Variants in TMEM207 observed in about 807,000 individuals in gnomAD.
The protein encoded by TMEM207 is transmembrane protein 207.
A neutral mutation model predicts 17.4 loss-of-function variants in TMEM207; 15 were observed. The ratio of observed to expected loss-of-function variants is 0.86; its 90% CI spans 0.58 to 1.33. TMEM207 has a LOEUF of 1.33. Among genes scored for constraint, TMEM207 ranks in the 40% most tolerant of loss-of-function variants. The pLI, the probability that TMEM207 is intolerant of heterozygous loss-of-function variation, is 0.00. For missense variants in TMEM207, 205 were observed against 173.8 expected (o/e 1.18, Z -1.01); for synonymous variants, 70 against 65.6 (o/e 1.07, Z -0.33).
chr3:190,440,991 C>T (rs1380589726), intron 3 of TMEM207, among the ~76,000 whole-genome samples: 3 of 152,092 alleles, frequency 2.0e-5, no homozygotes, highest in African/African-American at 7.2e-5. Flanking sequence ...ATGGCGGGAA[C>T]CCGGGAGGCG....
chr3:190,440,494 G>A (rs148508464), intron 3 of TMEM207, 105 bp from the exon 4 acceptor site: 7 of 1,003,640 alleles, frequency 7.0e-6, no homozygotes, highest in Admixed American at 3.0e-5. Context: ...TAGACTGGCC[G>A]CAAGCAATGT....
intron 4 of TMEM207, among the ~76,000 whole-genome samples, chr3:190,438,990 C>CCGTCCTGG: frequency 6.6e-6 from 1 of 151,618 alleles, no homozygotes; most frequent in Non-Finnish European, 1.5e-5. Flanking sequence ...GAGATCGAGA[C>CCGTCCTGG]CACGGTGAAA....
In TMEM207 at chr3:190,443,183, T is replaced by C. The variant is rs1719971973; in HGVS notation, c.114-1701A>G. Among the ~76,000 whole-genome samples the C allele has an allele frequency of 2.0e-5, 3 of 152,052 alleles. No individual in the cohort carries two copies. In the South Asian group the frequency reaches 6.2e-4, roughly 32 times the overall value. On this transcript the variant is annotated intron_variant, in intron 2 of 4. Transcript: ENST00000354905. ...TTGTTTTGTTTTGTTTTGTTTTTCT[T>C]TTTTGAATTGTGACATCTAAGCTCA...
At chr3:190,430,220 C>T (rs73055924) in intron 4 of TMEM207, among the ~76,000 whole-genome samples, 5,907 of 151,786 alleles carry the variant, frequency 0.039, 379 homozygotes, top group African/African-American at 0.14. Context: ...GATGAAAGCA[C>T]GCATTTAAAG....
intron 3 of TMEM207, 55 bp from the exon 4 acceptor site, chr3:190,440,444 G>C: frequency 1.3e-6 from 2 of 1,517,876 alleles, no homozygotes; most frequent in Non-Finnish European, 1.8e-6. Context: ...GGGAAGTTAA[G>C]AGCTTCCATC....
At chr3:190,439,026 A>C (rs188709402) in intron 4 of TMEM207, among the ~76,000 whole-genome samples, 5,088 of 151,570 alleles carry the variant, frequency 0.034, 110 homozygotes, top group African/African-American at 0.094. Flanking sequence ...AAATACAAAA[A>C]ATTAGCCGGG....
intron 4 of TMEM207, among the ~76,000 whole-genome samples, chr3:190,438,883 T>C (rs1719860760): frequency 6.6e-6 from 1 of 151,552 alleles, no homozygotes; most frequent in Admixed American, 6.6e-5. Flanking sequence ...AGACTTTAAT[T>C]ATCCTTCCTA....
intron 4 of TMEM207, among the ~76,000 whole-genome samples, chr3:190,433,410 A>G (rs1719731665): frequency 6.6e-6 from 1 of 152,166 alleles, no homozygotes; most frequent in Admixed American, 6.5e-5. Context: ...TAAAAAATAA[A>G]ACAAAACAAT....
Position 190,429,461 on chromosome 3 carries a change from GT to G in TMEM207, c.*133del. 7.7e-7 allele frequency: 1 copy of G among 1,291,076 alleles called. No homozygotes were observed. The highest frequency in any genetic ancestry group is 1.0e-6 in the Non-Finnish European group (1 of 962,616). The allele number at this position is 1,291,076 out of a possible 1,614,324, so 80.0% of individuals were successfully genotyped here. On this transcript the variant is annotated 3_prime_UTR_variant, in exon 5 of 5. Transcript: ENST00000354905. ...AATTTTTTCCAACATCCATTCTTTTGTCGAATTGTCCTTCCTCAGACTATAT... is the reference window on the plus strand; with the variant it reads ...AATTTTTTCCAACATCCATTCTTTTGCGAATTGTCCTTCCTCAGACTATAT...
intron 4 of TMEM207, among the ~76,000 whole-genome samples, chr3:190,430,225 T>G (rs1003347662): frequency 2.0e-5 from 3 of 152,106 alleles, no homozygotes; most frequent in Non-Finnish European, 2.9e-5. Context: ...AAGCACGCAT[T>G]TAAAGTATAC....
chr3:190,442,466 G>A (rs1719955606), intron 2 of TMEM207, among the ~76,000 whole-genome samples: 1 of 152,152 alleles, frequency 6.6e-6, no homozygotes, highest in Admixed American at 6.5e-5. Context: ...CATCATACCA[G>A]TCAGAAATGA....
intron 3 of TMEM207, 98 bp from the exon 4 acceptor site, chr3:190,440,487 A>G (rs1410021313): frequency 8.9e-7 from 1 of 1,125,996 alleles, no homozygotes; most frequent in African/African-American, 1.6e-5. Context: ...ACTCAGCTAG[A>G]CTGGCCGCAA....
chr3:190,445,471 A>G (rs1184919778), intron 2 of TMEM207, among the ~76,000 whole-genome samples: 1 of 152,264 alleles, frequency 6.6e-6, no homozygotes, highest in African/African-American at 2.4e-5. Flanking sequence ...GGATTGGATC[A>G]GAAAAACGTA....
chr3:190,446,360 C>G (rs1387792467), intron 2 of TMEM207, among the ~76,000 whole-genome samples: 1 of 152,116 alleles, frequency 6.6e-6, no homozygotes, highest in Admixed American at 6.6e-5. Context: ...AGATTCATTC[C>G]GCTGACACTG....
Position 190,447,782 on chromosome 3 carries a change from T to C in TMEM207, c.113+8A>G. 6.2e-7 allele frequency: 1 copy of C among 1,611,520 alleles called. No homozygotes were observed. The highest frequency in any genetic ancestry group is 8.5e-7 in the Non-Finnish European group (1 of 1,178,994). The stretch of plus-strand genomic sequence containing the variant: ...ATAAAAACATGGAGTTTTTCGCTGT[T>C]TACTTACATTTCATCTTCTTCGCAT... On this transcript the variant is annotated splice_region_variant and intron_variant, in intron 2 of 4. Coordinates refer to ENST00000354905, the MANE Select transcript of TMEM207 (RefSeq NM_207316.3).
chr3:190,444,340 T>C, intron 2 of TMEM207: 8 of 888,948 alleles, frequency 9.0e-6, no homozygotes, highest in Non-Finnish European at 1.1e-5. Context: ...AGAAGTAGGT[T>C]TTCAACCCAA....
chr3:190,429,407 C>G lies in TMEM207; in HGVS notation c.*188G>C. 1 of 645,874 alleles carries G rather than the reference C, an allele frequency of 1.5e-6. No homozygotes were observed. The highest frequency in any genetic ancestry group is 2.9e-5 in the East Asian group (1 of 34,050). 40.0% of individuals were successfully genotyped at this position (645,874 alleles called of 1,614,324 possible). On this transcript the variant is annotated 3_prime_UTR_variant, in exon 5 of 5. Transcript: ENST00000354905. ...GCAGTGACACATCAAAAGCCTGCTA[C>G]TTTACTATTTAAACATCTCCATGAC...
chr3:190,448,500 T>C (rs1210038773), intron 1 of TMEM207, among the ~76,000 whole-genome samples: 1 of 152,152 alleles, frequency 6.6e-6, no homozygotes, highest in Non-Finnish European at 1.5e-5. Context: ...CAACATCTCA[T>C]ATACTAAATC....
intron 2 of TMEM207, among the ~76,000 whole-genome samples, chr3:190,441,992 T>C (rs184109395): frequency 6.6e-6 from 1 of 152,298 alleles, no homozygotes; most frequent in East Asian, 1.9e-4. Flanking sequence ...AGGAGGAAAA[T>C]GAATGAACGT....
Sources: allele counts gnomAD v4.1 joint callset (sites outside exome capture counted in the v4.1 genomes callset), GRCh38; gene constraint gnomAD v4.1.1; transcripts MANE v1.5; gene names NCBI Gene and HGNC (gene_info 2026-07-23, HGNC 2026-07-21).